NFATC1: variants seen among roughly 807,000 people sequenced by gnomAD.
NFATC1 encodes the protein nuclear factor of activated T cells 1.
A neutral mutation model predicts 76.0 loss-of-function variants in NFATC1; 22 were observed. The observed-to-expected ratio is 0.29, with a 90% CI of 0.21 to 0.41. NFATC1 has a LOEUF of 0.41. NFATC1 is among the 10% of genes least tolerant of loss of function. The pLI is 1.00. For synonymous variants in NFATC1, 704 were observed against 613.1 expected (o/e 1.15, Z -2.19); for missense variants, 1,357 against 1,337.7 (o/e 1.01, Z -0.23).
Position 79,527,771 on chromosome 18 carries a change from G to A in NFATC1, c.*194G>A. The A allele has an allele frequency of 1.0e-5, 6 of 601,552 alleles. No homozygotes were observed. Among genetic ancestry groups the A allele is most frequent in the Non-Finnish European group, 1.8e-5 (6 of 340,528 alleles). The allele number at this position is 601,552 out of a possible 1,614,324, so 37.3% of individuals were successfully genotyped here. A position where few individuals can be genotyped will look rare whatever the true frequency, so the allele number is the denominator to read the frequency against. On this transcript the variant is annotated 3_prime_UTR_variant, in exon 10 of 10. Transcript: ENST00000427363. ...AAAGCAGGGAGGAAGGGAGACCACT[G>A]TGTCACCTGGAGGAGAAGTCATCTC...
chr18:79,402,697 C>T (rs1340977613), intron 1 of NFATC1, among the ~76,000 whole-genome samples: 4 of 152,204 alleles, frequency 2.6e-5, no homozygotes, highest in Non-Finnish European at 4.4e-5. Flanking sequence ...AGGAAGGGTT[C>T]TTTATGTATC....
intron 2 of NFATC1, among the ~76,000 whole-genome samples, chr18:79,423,024 T>C (rs887064839): frequency 6.6e-6 from 1 of 151,274 alleles, no homozygotes; most frequent in Non-Finnish European, 1.5e-5. Context: ...TGTTGGGGGC[T>C]GCTGGGCCTG....
chr18:79,476,073 G>C (rs1010971344), intron 8 of NFATC1, among the ~76,000 whole-genome samples: 7 of 149,678 alleles, frequency 4.7e-5, no homozygotes, highest in Admixed American at 1.3e-4. Context: ...GGCTTGTTGA[G>C]AAATCTAAGG....
intron 9 of NFATC1, among the ~76,000 whole-genome samples, chr18:79,508,244 G>A (rs577203240): frequency 1.4e-3 from 220 of 152,166 alleles, no homozygotes; most frequent in Non-Finnish European, 1.8e-3. Flanking sequence ...ACGGACGGAC[G>A]GAGGGCGCCT....
At chr18:79,522,375 TGTG>T (rs2090630135) in intron 9 of NFATC1, among the ~76,000 whole-genome samples, 1 of 27,496 alleles carries the variant, frequency 3.6e-5, no homozygotes, top group Admixed American at 4.9e-4. Flanking sequence ...TCTCTGTGTG[TGTG>T]GGGGGGGGTG....
At chr18:79,444,910 G>A (rs1157758928) in intron 3 of NFATC1, among the ~76,000 whole-genome samples, 1 of 152,246 alleles carries the variant, frequency 6.6e-6, no homozygotes, top group Admixed American at 6.5e-5. Context: ...TCTCTTGGTG[G>A]CTTCACCTGG....
At chr18:79,414,684 A>G (rs1385631770) in intron 2 of NFATC1, among the ~76,000 whole-genome samples, 2 of 152,200 alleles carry the variant, frequency 1.3e-5, no homozygotes, top group Non-Finnish European at 2.9e-5. Context: ...TGGCACAGGA[A>G]TCACAGGCCA....
At chr18:79,490,749 C>T (rs1436169900) in intron 9 of NFATC1, among the ~76,000 whole-genome samples, 1 of 152,148 alleles carries the variant, frequency 6.6e-6, no homozygotes, top group Non-Finnish European at 1.5e-5. Flanking sequence ...ATGGCTGGAG[C>T]ATCCACCAAC....
At chr18:79,399,054 G>A (rs1474735055) in intron 1 of NFATC1, among the ~76,000 whole-genome samples, 1 of 152,238 alleles carries the variant, frequency 6.6e-6, no homozygotes, top group Non-Finnish European at 1.5e-5. Flanking sequence ...GTGACAGAGC[G>A]AGACTCCGTC....
chr18:79,415,345 C>T lies in NFATC1; in HGVS notation c.1226+3844C>T, dbSNP rs562853661. On this transcript the variant is annotated intron_variant, in intron 2 of 9. Coordinates refer to ENST00000427363, the MANE Select transcript of NFATC1 (RefSeq NM_001278669.2). ...TCACCCAGACTGGAGTGCAGTGGCA[C>T]AATCTCGGCTCACTGCAAGCTTTGC... 1.6e-4 allele frequency among the ~76,000 whole-genome samples: 25 copies of T among 152,280 alleles called. No individual in the cohort carries two copies. In the East Asian group the frequency reaches 4.8e-3, roughly 29 times the overall value.
rs753920216 is a variant in NFATC1 at position 79,521,001 on chromosome 18, G to GT, written c.2783-6527_2783-6526insT. Reference sequence around the variant, plus strand: ...CGCTGATGTGTGTGTCTGTGTGTGTGGGGGGGGGCATCCACTGATATGTGT... The same window carrying GT: ...CGCTGATGTGTGTGTCTGTGTGTGTGTGGGGGGGGCATCCACTGATATGTGT... On this transcript the variant is annotated intron_variant, in intron 9 of 9. Coordinates refer to ENST00000427363, the MANE Select transcript of NFATC1 (RefSeq NM_001278669.2). Among the ~76,000 whole-genome samples, 344 of 88,044 alleles carry GT rather than the reference G, an allele frequency of 3.9e-3. 2 individuals carry two copies. Among genetic ancestry groups the GT allele is most frequent in the Non-Finnish European group, 4.8e-3 (203 of 42,442 alleles). The allele number at this position is 88,044 out of a possible 152,430, so 57.8% of individuals were successfully genotyped here.
intron 8 of NFATC1, chr18:79,469,485 G>T: frequency 1.0e-6 from 1 of 985,412 alleles, no homozygotes; most frequent in Non-Finnish European, 1.2e-6. Context: ...GGGCTGAGCC[G>T]CTCCTGCTAC....
In NFATC1 at chr18:79,459,072, C is replaced by T. The variant is rs373348790; in HGVS notation, c.1904-2239C>T. 5.9e-5 allele frequency among the ~76,000 whole-genome samples: 9 copies of T among 152,380 alleles called. No individual in the cohort carries two copies. In the East Asian group the frequency reaches 1.7e-3, roughly 29 times the overall value. On this transcript the variant is annotated intron_variant, in intron 6 of 9. Transcript: ENST00000427363. ...AGAGGGAAGGCCACAGGCGCTGGCT[C>T]AGCCGGGGTCTTTGAGGAAGGCAGG... is the stretch of plus-strand genomic sequence containing the variant.
At chr18:79,502,368 C>T (rs1296539742) in intron 9 of NFATC1, among the ~76,000 whole-genome samples, 2 of 152,136 alleles carry the variant, frequency 1.3e-5, no homozygotes, top group South Asian at 2.1e-4. Flanking sequence ...AATAGTCAAA[C>T]GTTTTTGGAG....
At chr18:79,407,659 G>C (rs1054428817) in intron 1 of NFATC1, among the ~76,000 whole-genome samples, 2 of 152,150 alleles carry the variant, frequency 1.3e-5, no homozygotes, top group Non-Finnish European at 2.9e-5. Context: ...TGCCCAGATT[G>C]GTCTTGAACT....
chr18:79,468,377 G>A (rs1031401706), intron 8 of NFATC1: 4 of 151,588 alleles, frequency 2.6e-5, no homozygotes, highest in African/African-American at 9.7e-5. Context: ...GAATTTTACT[G>A]TATTTTGTGG....
chr18:79,425,183 G>C (rs1416233615), intron 2 of NFATC1, among the ~76,000 whole-genome samples: 1 of 148,578 alleles, frequency 6.7e-6, no homozygotes. Context: ...CTGTCTCTCT[G>C]TCTCTGTCTC....
At chr18:79,452,864 A>G (rs905932243) in intron 6 of NFATC1, among the ~76,000 whole-genome samples, 9 of 152,206 alleles carry the variant, frequency 5.9e-5, no homozygotes, top group African/African-American at 1.9e-4. Flanking sequence ...ACACTTACCA[A>G]TTGGAATTCT....
chr18:79,400,367 C>CGTCCCG, intron 1 of NFATC1: 4 of 1,434,228 alleles, frequency 2.8e-6, no homozygotes, highest in African/African-American at 1.5e-5. Flanking sequence ...CCCCGGCTCC[C>CGTCCCG]GCCCCGGCCC....
Sources: allele counts gnomAD v4.1 joint callset (sites outside exome capture counted in the v4.1 genomes callset), GRCh38; gene constraint gnomAD v4.1.1; transcripts MANE v1.5; gene names NCBI Gene and HGNC (gene_info 2026-07-23, HGNC 2026-07-21).